The following SYNE2 variants were observed in gnomAD, a reference collection of about 807,000 sequenced individuals.
The protein encoded by SYNE2 is spectrin repeat containing nuclear envelope protein 2.
In SYNE2, 431 loss-of-function variants were observed where a neutral mutation model predicts 856.3. The ratio of observed to expected loss-of-function variants is 0.50; its 90% CI spans 0.47 to 0.55. The LOEUF is 0.55. Among genes scored for constraint, SYNE2 ranks in the 20% least tolerant of loss-of-function variants. The probability of loss-of-function intolerance (pLI) is 0.00; values close to 1 mark genes in which losing one functional copy is unlikely to be tolerated. For synonymous variants in SYNE2, 2,923 were observed against 2,872.3 expected (o/e 1.02, Z -0.56); for missense variants, 8,129 against 8,023.2 (o/e 1.01, Z -0.50).
chr14:63,828,207 A>G (rs1456032822), intron 1 of SYNE2, among the ~76,000 whole-genome samples: 1 of 151,962 alleles, frequency 6.6e-6, no homozygotes, highest in Non-Finnish European at 1.5e-5. Context: ...AAGGGAAAAA[A>G]TACATATTTG....
intron 85 of SYNE2, among the ~76,000 whole-genome samples, chr14:64,154,449 A>T (rs747566325): frequency 2.0e-5 from 3 of 152,216 alleles, no homozygotes; most frequent in Non-Finnish European, 4.4e-5. Context: ...CCTAGAATAT[A>T]TGAAGATTTA....
At chr14:64,177,629 T>A in intron 96 of SYNE2, 146 bp downstream of exon 96, 1 of 1,086,608 alleles carries the variant, frequency 9.2e-7, no homozygotes, top group Non-Finnish European at 1.4e-6. Context: ...CATAACATGC[T>A]CGTCTCTTAA....
At chr14:64,006,939 A>T in intron 30 of SYNE2, 104 bp from the exon 31 acceptor site, 1 of 895,992 alleles carries the variant, frequency 1.1e-6, no homozygotes, top group Non-Finnish European at 1.9e-6. Flanking sequence ...CATTAACCAC[A>T]TGAGGACAAA....
intron 50 of SYNE2, among the ~76,000 whole-genome samples, chr14:64,063,960 G>A (rs564241511): frequency 6.6e-6 from 1 of 152,136 alleles, no homozygotes; most frequent in Admixed American, 6.5e-5. Flanking sequence ...AAATTAAAGT[G>A]CAGTCAGAGG....
chr14:63,995,157 A>G lies in SYNE2; in HGVS notation c.2895A>G (p.Lys965=). ...AAAAGCAAATAAATAAAGAAAAGAA[A>G]CTTATCCGTAGAGGAAGGACCAAGG... ...KLEKQINKEK[K]LIRRGRTKGL... is the part of the protein sequence containing the mutation. Residue 965 remains lysine, a synonymous_variant, in exon 23 of 116, where the codon AAA becomes AAG. Coordinates refer to ENST00000555002, the MANE Select transcript of SYNE2 (RefSeq NM_182914.3). 1 of 1,606,120 alleles carries G rather than the reference A, an allele frequency of 6.2e-7. No homozygotes were observed. Among genetic ancestry groups the G allele is most frequent in the Non-Finnish European group, 8.5e-7 (1 of 1,176,288 alleles).
intron 47 of SYNE2, 44 bp from the exon 48 acceptor site, chr14:64,051,513 T>G: frequency 6.5e-7 from 1 of 1,532,238 alleles, no homozygotes; most frequent in Non-Finnish European, 8.9e-7. Context: ...TAATGTAGAA[T>G]AAGCATTAAA....
At chr14:64,209,804 G>A in intron 102 of SYNE2, 138 bp from the exon 103 acceptor site, 1 of 1,242,436 alleles carries the variant, frequency 8.0e-7, no homozygotes, top group Non-Finnish European at 1.2e-6. Context: ...CTGGCATCAG[G>A]ACTGGTGAAT....
chr14:64,129,745 T>C (rs374498004), intron 74 of SYNE2, 37 bp from the exon 75 acceptor site: 3 of 1,613,272 alleles, frequency 1.9e-6, no homozygotes, highest in Non-Finnish European at 1.7e-6. Flanking sequence ...TCTGACTTAC[T>C]GAAGGGTTTT....
intron 1 of SYNE2, among the ~76,000 whole-genome samples, chr14:63,772,910 T>A (rs1224544833): frequency 6.6e-6 from 1 of 151,646 alleles, no homozygotes; most frequent in Non-Finnish European, 1.5e-5. Flanking sequence ...CCCGAGTAGC[T>A]TGGATTACAG....
chr14:64,002,728 A>G lies in SYNE2; in HGVS notation c.3795A>G (p.Gln1265=), dbSNP rs767614995. The change falls in exon 30 of 116, where the codon CAA becomes CAG. Residue 1265 remains glutamine (Q), a synonymous_variant. Coordinates refer to ENST00000555002, the MANE Select transcript of SYNE2 (RefSeq NM_182914.3). ...TCTTATCTTTATTTTAGAATATCCAAGATTCCATAGCAAAACAGATTGAAA... is the reference window on the plus strand; with the variant it reads ...TCTTATCTTTATTTTAGAATATCCAGGATTCCATAGCAAAACAGATTGAAA... ...DRIYQHLRNI[Q]DSIAKQIEIC... 4 of 1,612,036 alleles carry G rather than the reference A, an allele frequency of 2.5e-6. No individual in the cohort carries two copies. In the East Asian group the frequency reaches 8.9e-5, roughly 36 times the overall value.
upstream of SYNE2, among the ~76,000 whole-genome samples, chr14:63,852,010 T>G (rs1352405144): frequency 0.011 from 26 of 2,440 alleles, no homozygotes; most frequent in East Asian, 0.029. Flanking sequence ...ATGGATGAAA[T>G]GGGGGGGGGG....
intron 51 of SYNE2, among the ~76,000 whole-genome samples, chr14:64,068,273 C>A (rs1350901776): frequency 6.6e-6 from 1 of 152,132 alleles, no homozygotes; most frequent in East Asian, 1.9e-4. Flanking sequence ...TCCCTCGTTC[C>A]TCTTTGTGGT....
intron 66 of SYNE2, among the ~76,000 whole-genome samples, chr14:64,118,583 C>T (rs573534772): frequency 3.3e-5 from 5 of 151,968 alleles, no homozygotes; most frequent in South Asian, 2.1e-4. Flanking sequence ...GGAAGGTAGG[C>T]GAGGCATGGT....
intron 87 of SYNE2, among the ~76,000 whole-genome samples, chr14:64,160,554 A>G (rs1427990864): frequency 6.6e-6 from 1 of 152,222 alleles, no homozygotes; most frequent in Admixed American, 6.5e-5. Flanking sequence ...GGAAAATCTT[A>G]TTTTAAAAGA....
chr14:63,852,108 A>C (rs1170339985), upstream of SYNE2, among the ~76,000 whole-genome samples: 1 of 151,108 alleles, frequency 6.6e-6, no homozygotes. Flanking sequence ...TGGGCGACAG[A>C]GTGAGACCCT....
intron 35 of SYNE2, 129 bp from the exon 36 acceptor site, chr14:64,021,186 G>A (rs1218239523): frequency 2.5e-5 from 19 of 770,452 alleles, no homozygotes; most frequent in South Asian, 6.0e-5. Flanking sequence ...ATAGAAAAAC[G>A]TAGAGCAATG....
chr14:64,030,992 T>A, intron 44 of SYNE2, 24 bp from the exon 45 acceptor site: 2 of 1,553,682 alleles, frequency 1.3e-6, no homozygotes, highest in Non-Finnish European at 1.8e-6. Context: ...AATGGAGATA[T>A]AACAATCTTT....
chr14:63,801,675 G>GA (rs1595122726), intron 1 of SYNE2, among the ~76,000 whole-genome samples: 1 of 149,608 alleles, frequency 6.7e-6, no homozygotes, highest in Non-Finnish European at 1.5e-5. Flanking sequence ...ACTCCATCTC[G>GA]AAAAAAAAAG....
Position 63,989,624 on chromosome 14 carries a change from C to T in SYNE2, c.2314-787C>T, listed in dbSNP as rs145127223. Among the ~76,000 whole-genome samples the T allele has an allele frequency of 1.1e-3, 162 of 151,970 alleles. 3 individuals carry two copies. In the East Asian group the frequency reaches 0.015, roughly 14 times the overall value. On this transcript the variant is annotated intron_variant, in intron 19 of 115. Transcript: ENST00000555002. ...AAGTGCTGGTATTACAGGCATGAGCCACCGGCAGTTTTATTTTATTTCATT... is the reference window on the plus strand; with the variant it reads ...AAGTGCTGGTATTACAGGCATGAGCTACCGGCAGTTTTATTTTATTTCATT...
Sources: allele counts gnomAD v4.1 joint callset (sites outside exome capture counted in the v4.1 genomes callset), GRCh38; gene constraint gnomAD v4.1.1; transcripts MANE v1.5; gene names NCBI Gene and HGNC (gene_info 2026-07-23, HGNC 2026-07-21).